RARS2: variants seen among roughly 807,000 people sequenced by gnomAD.
RARS2 encodes probable arginine--tRNA ligase, mitochondrial.
RARS2 carries 67 observed loss-of-function variants against 88.5 expected under a neutral mutation model. That is an observed-to-expected ratio of 0.76 (90% CI 0.62 to 0.93). RARS2 has a LOEUF of 0.93. Ranked by LOEUF, RARS2 falls within the 40% of genes least tolerant of loss-of-function variation. The probability of loss-of-function intolerance (pLI) is 0.00; values close to 1 mark genes in which losing one functional copy is unlikely to be tolerated. For synonymous variants in RARS2, 239 were observed against 230.3 expected (o/e 1.04, Z -0.34); for missense variants, 664 against 684.2 (o/e 0.97, Z 0.33).
chr6:87,557,341 C>T (rs1786296378), intron 4 of RARS2, among the ~76,000 whole-genome samples: 1 of 152,068 alleles, frequency 6.6e-6, no homozygotes. Flanking sequence ...AACTAGGGTC[C>T]CAGTATTATT....
chr6:87,579,702 G>A (rs181280127), intron 1 of RARS2, among the ~76,000 whole-genome samples: 52 of 140,582 alleles, frequency 3.7e-4, no homozygotes, highest in Non-Finnish European at 6.2e-4. Flanking sequence ...GAGAGCCACC[G>A]AGCATAGAGC....
chr6:87,522,912 C>G (rs1562073556), intron 11 of RARS2, among the ~76,000 whole-genome samples: 2 of 152,062 alleles, frequency 1.3e-5, no homozygotes, highest in Non-Finnish European at 1.5e-5. Context: ...AGCTGGCCAA[C>G]AAAAAATCTT....
intron 4 of RARS2, among the ~76,000 whole-genome samples, chr6:87,561,126 C>T (rs1420309160): frequency 6.6e-6 from 1 of 151,972 alleles, no homozygotes; most frequent in Admixed American, 6.6e-5. Flanking sequence ...ACTAGAGATC[C>T]AATACGTGAG....
chr6:87,571,036 C>T (rs577545097), intron 1 of RARS2, among the ~76,000 whole-genome samples: 2 of 152,274 alleles, frequency 1.3e-5, no homozygotes, highest in South Asian at 4.1e-4. Flanking sequence ...AAAAACAGAA[C>T]CTATACTCAA....
chr6:87,539,314 A>C (rs1780174928), intron 8 of RARS2, among the ~76,000 whole-genome samples: 1 of 152,216 alleles, frequency 6.6e-6, no homozygotes, highest in South Asian at 2.1e-4. Context: ...CCGTCTAATT[A>C]AGGACAAATA....
intron 1 of RARS2, among the ~76,000 whole-genome samples, chr6:87,576,506 G>C (rs1297205029): frequency 8.4e-6 from 1 of 118,444 alleles, no homozygotes; most frequent in Admixed American, 9.5e-5. Context: ...TCGATCTCCT[G>C]ACCTCGTGAT....
At chr6:87,516,925 T>C in intron 17 of RARS2, 45 bp from the exon 18 acceptor site, 1 of 1,609,420 alleles carries the variant, frequency 6.2e-7, no homozygotes, top group Non-Finnish European at 8.5e-7. Flanking sequence ...CTGTACACAT[T>C]ACACTAAGAC....
At chr6:87,569,109 T>A (rs1033940448) in intron 2 of RARS2, among the ~76,000 whole-genome samples, 1 of 152,110 alleles carries the variant, frequency 6.6e-6, no homozygotes, top group African/African-American at 2.4e-5. Context: ...AAAAACCTAG[T>A]AGATAAATAT....
rs527373119 is a variant in RARS2, at chr6:87,553,612, C to G, written c.395+1796G>C. 2.6e-5 allele frequency among the ~76,000 whole-genome samples: 4 copies of G among 152,288 alleles called. No individual in the cohort carries two copies. In the East Asian group the frequency reaches 7.7e-4, roughly 29 times the overall value. Reference sequence around the variant, plus strand: ...AAACTTTATTTGCAAAAACAAGCGGCAAACTGGATGTTGCCTATGGGCTTA... The same window carrying G: ...AAACTTTATTTGCAAAAACAAGCGGGAAACTGGATGTTGCCTATGGGCTTA... On this transcript the variant is annotated intron_variant, in intron 5 of 19. Coordinates refer to ENST00000369536, the MANE Select transcript of RARS2 (RefSeq NM_020320.5).
At chr6:87,527,085 T>C (rs1582362703) in intron 10 of RARS2, among the ~76,000 whole-genome samples, 1 of 151,548 alleles carries the variant, frequency 6.6e-6, no homozygotes. Context: ...CCAAAGCGGG[T>C]AGATCAGGAG....
chr6:87,547,403 C>G (rs1782910146), intron 6 of RARS2, among the ~76,000 whole-genome samples: 1 of 152,158 alleles, frequency 6.6e-6, no homozygotes, highest in Non-Finnish European at 1.5e-5. Context: ...TATTGAAGTA[C>G]AGGTTAAACA....
intron 4 of RARS2, among the ~76,000 whole-genome samples, chr6:87,560,565 C>T (rs140711677): frequency 1.8e-3 from 267 of 152,242 alleles, no homozygotes; most frequent in Middle Eastern, 6.8e-3. Flanking sequence ...TAACAAGAAT[C>T]GAATTTTTTT....
At chr6:87,565,376 G>A (rs1767554218) in intron 2 of RARS2, among the ~76,000 whole-genome samples, 1 of 151,972 alleles carries the variant, frequency 6.6e-6, no homozygotes, top group Admixed American at 6.6e-5. Context: ...CCTTTTCACT[G>A]GGTAGGTGAA....
intron 14 of RARS2, 74 bp from the exon 15 acceptor site, chr6:87,518,965 T>C: frequency 7.1e-7 from 1 of 1,406,792 alleles, no homozygotes. Flanking sequence ...GAAGGTAACA[T>C]CTGCCAAAAA....
At chr6:87,551,292 T>G (rs141704738) in intron 5 of RARS2, among the ~76,000 whole-genome samples, 1 of 152,228 alleles carries the variant, frequency 6.6e-6, no homozygotes, top group East Asian at 1.9e-4. Context: ...GTTAAATTAC[T>G]TCATGTAATT....
At chr6:87,525,248 A>G (rs1474174927) in intron 10 of RARS2, among the ~76,000 whole-genome samples, 1 of 152,228 alleles carries the variant, frequency 6.6e-6, no homozygotes, top group Non-Finnish European at 1.5e-5. Context: ...CCTCTACATT[A>G]TAGAGGTCTG....
chr6:87,535,803 A>G lies in RARS2; in HGVS notation c.613-4861T>C, dbSNP rs1481783046. Among the ~76,000 whole-genome samples, 638 of 150,658 alleles carry G rather than the reference A, an allele frequency of 4.2e-3. 3 individuals carry two copies. The highest frequency in any genetic ancestry group is 0.015 in the African/African-American group (594 of 40,928). ...GCGATTCTCGTCCCTCGGCCTCCTG[A>G]GTAGCTGGGATTACAAGCATGCATC... On this transcript the variant is annotated intron_variant, in intron 8 of 19. Transcript: ENST00000369536.
chr6:87,580,358 TA>T (rs1473873867), intron 1 of RARS2, among the ~76,000 whole-genome samples: 1 of 152,006 alleles, frequency 6.6e-6, no homozygotes, highest in African/African-American at 2.4e-5. Flanking sequence ...AACCAAATAA[TA>T]AAAGACTGAC....
rs548547564 is a variant in RARS2 at position 87,543,257 on chromosome 6, C to T, written c.536-1263G>A. On this transcript the variant is annotated intron_variant, in intron 7 of 19. Coordinates refer to ENST00000369536, the MANE Select transcript of RARS2 (RefSeq NM_020320.5). ...GGCGGAGGTTGCGGTGAGCCGAGAT[C>T]CCGCCATTGCATTCCAGCCTGGGCA... is the stretch of plus-strand genomic sequence containing the variant. Among the ~76,000 whole-genome samples the T allele has an allele frequency of 2.1e-3, 301 of 144,928 alleles. 1 individual carries two copies. The highest frequency in any genetic ancestry group is 7.4e-3 in the African/African-American group (291 of 39,138).
Sources: allele counts gnomAD v4.1 joint callset (sites outside exome capture counted in the v4.1 genomes callset), GRCh38; gene constraint gnomAD v4.1.1; transcripts MANE v1.5; gene names NCBI Gene and HGNC (gene_info 2026-07-23, HGNC 2026-07-21).